CTBP2: variants seen among roughly 807,000 people sequenced by gnomAD.
The protein encoded by CTBP2 is C-terminal-binding protein 2.
Under a neutral mutation model 80.3 loss-of-function variants are expected in CTBP2, and 30 were observed. The observed-to-expected ratio is 0.37, with a 90% CI of 0.28 to 0.51. The LOEUF is 0.51. CTBP2 is among the 20% of genes least tolerant of loss of function. The pLI is 0.93. For synonymous variants in CTBP2, 594 were observed against 587.4 expected (o/e 1.01, Z -0.16); for missense variants, 1,212 against 1,375.3 (o/e 0.88, Z 1.88).
intron 3 of CTBP2, 144 bp downstream of exon 3, chr10:125,038,853 A>C: frequency 2.6e-6 from 2 of 769,186 alleles, no homozygotes; most frequent in Non-Finnish European, 4.2e-6. Context: ...GACACCCAGC[A>C]GAGGGTGCCA....
At chr10:125,105,296 C>T (rs1033587624) in intron 2 of CTBP2, among the ~76,000 whole-genome samples, 3 of 152,230 alleles carry the variant, frequency 2.0e-5, no homozygotes, top group Non-Finnish European at 4.4e-5. Context: ...CACAGATACA[C>T]ACCACCACCT....
chr10:125,085,575 G>A (rs143446307), intron 2 of CTBP2, among the ~76,000 whole-genome samples: 1 of 152,312 alleles, frequency 6.6e-6, no homozygotes, highest in African/African-American at 2.4e-5. Context: ...CTTCAGAAAC[G>A]AGGGCGAAGA....
chr10:125,087,919 A>G (rs1152659), intron 2 of CTBP2, among the ~76,000 whole-genome samples: 44,560 of 152,130 alleles, frequency 0.29, 7,030 homozygotes, highest in African/African-American at 0.37. Flanking sequence ...CATTTCCTGG[A>G]ACAATACTCC....
intron 1 of CTBP2, among the ~76,000 whole-genome samples, chr10:125,156,701 T>C (rs1303409828): frequency 6.6e-6 from 1 of 152,238 alleles, no homozygotes; most frequent in African/African-American, 2.4e-5. Flanking sequence ...CTTTGCCTTG[T>C]AGCTGGCTAC....
At chr10:125,042,642 C>G (rs774650250) in intron 2 of CTBP2, among the ~76,000 whole-genome samples, 2 of 152,072 alleles carry the variant, frequency 1.3e-5, no homozygotes, top group Non-Finnish European at 2.9e-5. Flanking sequence ...TGGGATGTCA[C>G]TGTGATGTCC....
intron 2 of CTBP2, among the ~76,000 whole-genome samples, chr10:125,052,755 C>T (rs1963069795): frequency 6.6e-6 from 1 of 152,224 alleles, no homozygotes; most frequent in Admixed American, 6.5e-5. Flanking sequence ...ATCACAGGCA[C>T]CATCGGTTCC....
At chr10:125,073,921 C>T (rs551726707) in intron 2 of CTBP2, among the ~76,000 whole-genome samples, 3 of 152,322 alleles carry the variant, frequency 2.0e-5, no homozygotes, top group African/African-American at 7.2e-5. Flanking sequence ...TTCTTACTCC[C>T]ACGGCCCAGG....
rs959266819 is a variant in CTBP2 at position 125,027,958 on chromosome 10, G to A, written c.-199C>T. 25 of 1,388,044 alleles carry A rather than the reference G, an allele frequency of 1.8e-5. No homozygotes were observed. The Admixed American group carries it at 2.1e-4, about 12-fold the overall frequency. The allele number at this position is 1,388,044 out of a possible 1,614,324, so 86.0% of individuals were successfully genotyped here. On this transcript the variant is annotated 5_prime_UTR_variant, in exon 1 of 9. Coordinates refer to ENST00000309035, the MANE Select transcript of CTBP2 (RefSeq NM_022802.3). ...TTAGCAGACAAAACATAAGACTCAC[G>A]GTAACTTTGCCTCACTCCCCAACGA...
chr10:125,058,187 T>A (rs1590396462), intron 2 of CTBP2, among the ~76,000 whole-genome samples: 1 of 151,848 alleles, frequency 6.6e-6, no homozygotes, highest in African/African-American at 2.4e-5. Context: ...AAAGTGGAGG[T>A]CCCAGTTGCA....
Position 125,159,352 on chromosome 10 carries a change from G to A in CTBP2, c.-206+967C>T, listed in dbSNP as rs1254744524. ...CGGGCCGGGCTCCCGGCGGCGGCGG[G>A]CGAGGAGGAAGTGGTGCCCGCGGGA... On this transcript the variant is annotated intron_variant, in intron 1 of 10. Transcript: ENST00000337195. 1.3e-4 allele frequency among the ~76,000 whole-genome samples: 19 copies of A among 147,858 alleles called. No homozygotes were observed. In the South Asian group the frequency reaches 3.8e-3, roughly 29 times the overall value.
chr10:125,151,152 T>A (rs939047648), intron 1 of CTBP2, among the ~76,000 whole-genome samples: 1 of 152,166 alleles, frequency 6.6e-6, no homozygotes, highest in African/African-American at 2.4e-5. Context: ...AATGGCTGCA[T>A]AAGTTTCTGG....
At chr10:125,052,973 T>C (rs1302518875) in intron 2 of CTBP2, among the ~76,000 whole-genome samples, 1 of 151,966 alleles carries the variant, frequency 6.6e-6, no homozygotes, top group Non-Finnish European at 1.5e-5. Flanking sequence ...CTCAAATTCT[T>C]CCCCCAGAAT....
intron 2 of CTBP2, among the ~76,000 whole-genome samples, chr10:125,040,046 C>T (rs1480086693): frequency 6.6e-6 from 1 of 152,162 alleles, no homozygotes; most frequent in Non-Finnish European, 1.5e-5. Flanking sequence ...CTTTGGAAGC[C>T]TCTGACTGTC....
chr10:125,098,750 C>CAG (rs1265217140), intron 2 of CTBP2, among the ~76,000 whole-genome samples: 764 of 75,434 alleles, frequency 0.01, 59 homozygotes, highest in African/African-American at 0.013. Flanking sequence ...GAGAGAGAGA[C>CAG]AGAGAGAGAG....
At chr10:125,115,194 T>C (rs1188334472) in intron 1 of CTBP2, among the ~76,000 whole-genome samples, 2 of 152,152 alleles carry the variant, frequency 1.3e-5, no homozygotes, top group Non-Finnish European at 2.9e-5. Context: ...GAAGAAAGAC[T>C]GATCCTAAAG....
chr10:125,137,273 G>C (rs1857113944), intron 1 of CTBP2, among the ~76,000 whole-genome samples: 1 of 152,218 alleles, frequency 6.6e-6, no homozygotes, highest in Admixed American at 6.5e-5. Context: ...AGTCCCTTCT[G>C]GGGGCAGCGG....
intron 1 of CTBP2, among the ~76,000 whole-genome samples, chr10:125,018,549 CAACCAACA>C (rs1457524481): frequency 7.4e-4 from 87 of 118,156 alleles, no homozygotes; most frequent in African/African-American, 3.0e-3. Flanking sequence ...CAAACCAAAC[CAACCAACA>C]AACAAACAAA....
At chr10:125,147,147 G>A (rs994162569) in intron 1 of CTBP2, among the ~76,000 whole-genome samples, 16 of 152,178 alleles carry the variant, frequency 1.1e-4, no homozygotes, top group African/African-American at 2.9e-4. Context: ...GTGCACAGAG[G>A]GAAGGGCAGA....
In CTBP2 at chr10:125,098,702, G is replaced by C. The variant is rs913437624; in HGVS notation, c.-102+12288C>G. ...AGAGAGAGAGAGAGAGAGAGAGAGA[G>C]AGAGACAGAGAGAGAGAGAGACAGA... is the stretch of plus-strand genomic sequence containing the variant. On this transcript the variant is annotated intron_variant, in intron 2 of 10. Coordinates refer to the CTBP2 transcript ENST00000337195. Among the ~76,000 whole-genome samples the C allele has an allele frequency of 2.4e-3, 309 of 129,112 alleles. 3 individuals are homozygous for C. Among genetic ancestry groups the C allele is most frequent in the East Asian group, 8.8e-3 (39 of 4,410 alleles). The allele number at this position is 129,112 out of a possible 152,430, so 84.7% of individuals were successfully genotyped here. A position where few individuals can be genotyped will look rare whatever the true frequency, so the allele number is the denominator to read the frequency against.
Sources: allele counts gnomAD v4.1 joint callset (sites outside exome capture counted in the v4.1 genomes callset), GRCh38; gene constraint gnomAD v4.1.1; transcripts MANE v1.5; gene names NCBI Gene and HGNC (gene_info 2026-07-23, HGNC 2026-07-21).